Variants in NFIL3 observed in about 807,000 individuals in gnomAD.
The protein encoded by NFIL3 is nuclear factor interleukin-3-regulated protein.
Under a neutral mutation model 10.0 loss-of-function variants are expected in NFIL3, and 5 were observed. The ratio of observed to expected loss-of-function variants is 0.50; its 90% CI spans 0.26 to 1.06. The LOEUF (loss-of-function observed/expected upper bound fraction) is 1.06, where lower values mean the gene tolerates loss of function less well. Among genes scored for constraint, NFIL3 ranks in the 50% least tolerant of loss-of-function variants. The pLI is 0.13. For synonymous variants in NFIL3, 202 were observed against 206.5 expected, an observed-to-expected ratio of 0.98 and a Z score of 0.19; for missense variants, 436 against 547.6, an observed-to-expected ratio of 0.80 and a Z score of 2.03.
chr9:91,470,067 C>T, the NFIL3 span, among the ~76,000 whole-genome samples: 1 of 152,006 alleles, frequency 6.6e-6, no homozygotes, highest in African/African-American at 2.4e-5. Flanking sequence ...GGGAGGATTC[C>T]CTCTTTTTCT....
the NFIL3 span, among the ~76,000 whole-genome samples, chr9:91,471,679 A>C: frequency 1.3e-5 from 2 of 151,954 alleles, no homozygotes; most frequent in Non-Finnish European, 2.9e-5. Context: ...TGTGTCTTTT[A>C]ATTGGAGCAT....
the NFIL3 span, among the ~76,000 whole-genome samples, chr9:91,465,888 T>C: frequency 3.9e-5 from 6 of 152,120 alleles, no homozygotes; most frequent in Non-Finnish European, 5.9e-5. Flanking sequence ...AGTACTTTTC[T>C]TTAGAGAGAG....
chr9:91,420,727 C>T (rs1398955957), intron 1 of NFIL3, among the ~76,000 whole-genome samples: 1 of 152,184 alleles, frequency 6.6e-6, no homozygotes, highest in African/African-American at 2.4e-5. Flanking sequence ...TTCAGGAGAA[C>T]ATCTGTGATG....
the NFIL3 span, among the ~76,000 whole-genome samples, chr9:91,435,270 A>T: frequency 6.6e-6 from 1 of 152,202 alleles, no homozygotes; most frequent in Non-Finnish European, 1.5e-5. Context: ...TTATACAATA[A>T]TACAATCATC....
At chr9:91,435,097 T>A in the NFIL3 span, among the ~76,000 whole-genome samples, 1 of 152,218 alleles carries the variant, frequency 6.6e-6, no homozygotes, top group African/African-American at 2.4e-5. Context: ...CTGAATTGTG[T>A]GTTTTCTCTT....
At chr9:91,420,775 C>T (rs942744300) in intron 1 of NFIL3, among the ~76,000 whole-genome samples, 1 of 152,130 alleles carries the variant, frequency 6.6e-6, no homozygotes. Context: ...TCTTGGAAGT[C>T]TTTATGCGAG....
the NFIL3 span, among the ~76,000 whole-genome samples, chr9:91,473,435 A>G: frequency 5.3e-5 from 8 of 152,332 alleles, no homozygotes; most frequent in South Asian, 1.4e-3. Flanking sequence ...CCCCCAGCCT[A>G]GGCTGCCACC....
the NFIL3 span, among the ~76,000 whole-genome samples, chr9:91,463,061 T>C: frequency 6.6e-6 from 1 of 151,988 alleles, no homozygotes; most frequent in South Asian, 2.1e-4. Context: ...ATATTGGTAA[T>C]TTATGTCTTC....
In NFIL3 at chr9:91,416,726, A is replaced by C. The variant is rs569561149; in HGVS notation, c.-172-5820T>G. On this transcript the variant is annotated intron_variant, in intron 1 of 1. Coordinates refer to ENST00000297689, the MANE Select transcript of NFIL3 (RefSeq NM_005384.3). ...ACTCCGAAGGTGCCATCACTAATTA[A>C]TGCTTTTGTATAGTCCATCACACTA... Among the ~76,000 whole-genome samples the C allele has an allele frequency of 3.9e-5, 6 of 152,350 alleles. No homozygotes were observed. In the South Asian group the frequency reaches 1.2e-3, roughly 32 times the overall value.
At chr9:91,432,387 G>A in the NFIL3 span, among the ~76,000 whole-genome samples, 1 of 152,004 alleles carries the variant, frequency 6.6e-6, no homozygotes, top group Non-Finnish European at 1.5e-5. Context: ...TTCTAGAATT[G>A]TACCTCCCAA....
At chr9:91,464,529 T>A in the NFIL3 span, among the ~76,000 whole-genome samples, 9 of 152,128 alleles carry the variant, frequency 5.9e-5, no homozygotes, top group African/African-American at 2.2e-4. Context: ...ATTGTTACTT[T>A]AAACAGTTAT....
the NFIL3 span, among the ~76,000 whole-genome samples, chr9:91,482,121 G>A: frequency 1.3e-5 from 2 of 152,086 alleles, no homozygotes; most frequent in Admixed American, 1.3e-4. Flanking sequence ...AAGTTAAAAT[G>A]CGCATACCCT....
At chr9:91,417,994 C>A (rs549656805) in intron 1 of NFIL3, among the ~76,000 whole-genome samples, 1 of 150,788 alleles carries the variant, frequency 6.6e-6, no homozygotes, top group African/African-American at 2.4e-5. Flanking sequence ...TTAATAAATA[C>A]GATGACAACA....
the NFIL3 span, among the ~76,000 whole-genome samples, chr9:91,434,597 G>A: frequency 1.3e-5 from 2 of 152,060 alleles, no homozygotes; most frequent in African/African-American, 2.4e-5. Context: ...GCTTTTGTTT[G>A]ATAAAAGACA....
At chr9:91,413,865 TG>T (rs1408104713) in intron 1 of NFIL3, among the ~76,000 whole-genome samples, 2 of 152,110 alleles carry the variant, frequency 1.3e-5, no homozygotes, top group Non-Finnish European at 2.9e-5. Flanking sequence ...TTTCTCCACC[TG>T]AGAATCTTTC....
the NFIL3 span, among the ~76,000 whole-genome samples, chr9:91,453,442 C>G: frequency 1.3e-5 from 2 of 151,966 alleles, no homozygotes; most frequent in Non-Finnish European, 2.9e-5. Context: ...ACCTCATAAG[C>G]CTTTGTCTTA....
At chr9:91,435,237 T>C in the NFIL3 span, among the ~76,000 whole-genome samples, 2 of 152,172 alleles carry the variant, frequency 1.3e-5, no homozygotes, top group Admixed American at 1.3e-4. Context: ...AGAATTGTGA[T>C]AAAAACGCTT....
At chr9:91,425,086 C>T (rs1333871186), upstream of NFIL3, among the ~76,000 whole-genome samples, 1 of 152,216 alleles carries the variant, frequency 6.6e-6, no homozygotes, top group African/African-American at 2.4e-5. Context: ...TGCCCAAATA[C>T]GGAGTGTGGC....
the NFIL3 span, among the ~76,000 whole-genome samples, chr9:91,479,391 G>C: frequency 6.6e-6 from 1 of 152,202 alleles, no homozygotes; most frequent in Non-Finnish European, 1.5e-5. Flanking sequence ...AGGCTTTGCC[G>C]AGCTGCGGTG....
Sources: gnomAD v4.1 joint callset for allele counts (sites outside exome capture counted in the v4.1 genomes callset) on GRCh38, gnomAD v4.1.1 for gene constraint, MANE v1.5 for transcripts, NCBI Gene and HGNC (gene_info 2026-07-23, HGNC 2026-07-21) for gene names.